Variants in MINAR1 observed in about 807,000 individuals in gnomAD.
MINAR1 encodes the protein major intrinsically disordered Notch2-binding receptor 1.
Under a neutral mutation model 65.1 loss-of-function variants are expected in MINAR1, and 40 were observed. That is an observed-to-expected ratio of 0.61 (90% CI 0.48 to 0.80). MINAR1 has a LOEUF of 0.80. MINAR1 is among the 30% of genes least tolerant of loss of function. MINAR1 has a pLI of 0.00. For missense variants in MINAR1, 1,128 were observed against 1,148.0 expected, an observed-to-expected ratio of 0.98 and a Z score of 0.25; for synonymous variants, 482 against 449.1, an observed-to-expected ratio of 1.07 and a Z score of -0.93.
intron 1 of MINAR1, among the ~76,000 whole-genome samples, chr15:79,455,227 G>A (rs1049430828): frequency 2.6e-5 from 4 of 152,052 alleles, no homozygotes; most frequent in Non-Finnish European, 5.9e-5. Flanking sequence ...TTTACAATCC[G>A]AACTTACCAC....
chr15:79,457,979 A>T lies in MINAR1; in HGVS notation c.1832A>T (p.Glu611Val). 2 of 1,614,144 alleles carry T rather than the reference A, an allele frequency of 1.2e-6. No homozygotes were observed. Among genetic ancestry groups the T allele is most frequent in the Non-Finnish European group, 1.7e-6 (2 of 1,179,996 alleles). The stretch of plus-strand genomic sequence containing the variant: ...ATTGGCGAAATTGAACGGAAGCTGG[A>T]ATCCCTGTCGGGTGTCCGTGATGAA... ...LRIGEIERKL[E>V]SLSGVRDEIS... The change falls in exon 2 of 4, where the codon GAA becomes GTA. Residue 611 changes from glutamate to valine, a missense_variant. By Grantham distance (121) the Glu-to-Val change is moderately radical (BLOSUM62 -2). Transcript: ENST00000305428.
intron 1 of MINAR1, among the ~76,000 whole-genome samples, chr15:79,454,835 G>A (rs914037197): frequency 1.3e-5 from 2 of 152,178 alleles, no homozygotes; most frequent in Non-Finnish European, 2.9e-5. Flanking sequence ...TAGGGTCTTC[G>A]GTTTCTACAC....
At chr15:79,424,609 T>A in the MINAR1 span, 2 of 152,232 alleles carry the variant, frequency 1.3e-5, no homozygotes, top group Non-Finnish European at 2.9e-5. Context: ...TAAAATTGCA[T>A]GAAAGTACAG....
In MINAR1 at chr15:79,468,548, G is replaced by T. The variant is rs555360793; in HGVS notation, c.*164G>T. 5 of 644,020 alleles carry T rather than the reference G, an allele frequency of 7.8e-6. No homozygotes were observed. Among genetic ancestry groups the T allele is most frequent in the Non-Finnish European group, 2.6e-6 (1 of 377,586 alleles). 39.9% of individuals were successfully genotyped at this position (644,020 alleles called of 1,614,324 possible). A position where few individuals can be genotyped will look rare whatever the true frequency, so the allele number is the denominator to read the frequency against. On this transcript the variant is annotated 3_prime_UTR_variant, in exon 4 of 4. Transcript: ENST00000305428. ...TGGTTTTCAGAAAGTATACATTCTA[G>T]TGAGAAATCTACCTACCTATTAGCT...
chr15:79,422,135 C>T, the MINAR1 span: 1 of 152,292 alleles, frequency 6.6e-6, no homozygotes, highest in African/African-American at 2.4e-5. Flanking sequence ...GGTCTGCCAA[C>T]CTCCAGTGAG....
the MINAR1 span, chr15:79,411,483 G>A: frequency 1.4e-6 from 1 of 702,520 alleles, no homozygotes; most frequent in Non-Finnish European, 2.6e-6. Flanking sequence ...CCGAGGGACT[G>A]GGACGACTGG....
At chr15:79,454,914 T>C (rs939947640) in intron 1 of MINAR1, among the ~76,000 whole-genome samples, 4 of 127,414 alleles carry the variant, frequency 3.1e-5, no homozygotes, top group Admixed American at 2.3e-4. Flanking sequence ...TGTACGTACA[T>C]TTTACATTAA....
At chr15:79,468,120 T>G (rs1895940170) in intron 3 of MINAR1, 67 bp from the exon 4 acceptor site, 1 of 1,309,934 alleles carries the variant, frequency 7.6e-7, no homozygotes, top group Non-Finnish European at 1.1e-6. Flanking sequence ...GAGTGATGAC[T>G]GTCGGGACGT....
intron 1 of MINAR1, among the ~76,000 whole-genome samples, chr15:79,441,906 G>C (rs1358843630): frequency 6.6e-6 from 1 of 152,016 alleles, no homozygotes; most frequent in Non-Finnish European, 1.5e-5. Context: ...CTTTATTTAT[G>C]ATGTTGCACA....
In MINAR1 at chr15:79,457,356, C is replaced by A. The variant is rs577612145; in HGVS notation, c.1209C>A (p.Pro403=). The part of the protein sequence containing the change: ...LHYPNASSQT[P]NFPAPERRPT... ...ATCCAAATGCCAGTAGCCAGACCCC[C>A]AATTTCCCAGCCCCAGAAAGGCGCC... The change falls in exon 2 of 4, where the codon CCC becomes CCA. Residue 403 remains proline (P), a synonymous_variant. Transcript: ENST00000305428. The A allele has an allele frequency of 6.2e-7, 1 of 1,614,216 alleles. No individual in the cohort carries two copies. The highest frequency in any genetic ancestry group is 1.7e-5 in the Admixed American group (1 of 60,022).
intron 1 of MINAR1, among the ~76,000 whole-genome samples, chr15:79,439,777 A>G (rs1045378789): frequency 1.3e-5 from 2 of 151,886 alleles, no homozygotes; most frequent in Admixed American, 6.6e-5. Context: ...CCCTAGAGCT[A>G]TTGGGTGAAA....
chr15:79,411,606 C>G, the MINAR1 span: 2 of 661,120 alleles, frequency 3.0e-6, no homozygotes, highest in South Asian at 3.2e-5. Flanking sequence ...TGCACTGGGA[C>G]TAGCTCCTGG....
the MINAR1 span, chr15:79,413,768 G>C: frequency 6.6e-6 from 1 of 152,154 alleles, no homozygotes; most frequent in Non-Finnish European, 1.5e-5. Flanking sequence ...CACTATCTAG[G>C]GGTAAGGATG....
At position 79,463,110 on chromosome 15, in the gene MINAR1, A is replaced by G. The variant is rs1567061342; in HGVS notation, c.2342A>G (p.Lys781Arg). The G allele has an allele frequency of 6.2e-7, 1 of 1,614,152 alleles. No homozygotes were observed. Among genetic ancestry groups the G allele is most frequent in the East Asian group, 2.2e-5 (1 of 44,874 alleles). Residue 781 changes from lysine (K) to arginine (R), a missense_variant, in exon 3 of 4, where the codon AAG becomes AGG. Physicochemically the swap from Lys to Arg is conservative, Grantham distance 26. Transcript: ENST00000305428. ...ATTCCCCCACAGCACCGACTGCCCA[A>G]GCAGCCCAAAGATGGCTTCCTGGTG... ...YDIPPQHRLP[K>R]QPKDGFLVEQ...
chr15:79,428,264 C>CCTT (rs1361469847), upstream of MINAR1, among the ~76,000 whole-genome samples: 1,723 of 120,674 alleles, frequency 0.014, 73 homozygotes, highest in African/African-American at 0.052. Flanking sequence ...TTCCCTCCTT[C>CCTT]CTTTCTTCTC....
In MINAR1 at chr15:79,458,307, G is replaced by C. The variant is rs1404948903; in HGVS notation, c.2160G>C (p.Glu720Asp). ...TAACAGAGGAGAACAGTGCCACAGA[G>C]TCCAAAATTGCCAGCATCTCCAACT... is the stretch of plus-strand genomic sequence containing the variant. ...RSLTEENSAT[E>D]SKIASISNSP... The change falls in exon 2 of 4, where the codon GAG becomes GAC. Residue 720 changes from glutamate to aspartate, a missense_variant. Coordinates refer to ENST00000305428, the MANE Select transcript of MINAR1 (RefSeq NM_015206.3). The C allele has an allele frequency of 2.5e-6, 4 of 1,614,032 alleles. No homozygotes were observed. The highest frequency in any genetic ancestry group is 1.1e-5 in the South Asian group (1 of 91,076).
At chr15:79,450,224 G>A (rs915105671) in intron 1 of MINAR1, among the ~76,000 whole-genome samples, 1 of 152,178 alleles carries the variant, frequency 6.6e-6, no homozygotes, top group East Asian at 1.9e-4. Context: ...GGTTAGGCTG[G>A]AGTTCACTGT....
intron 1 of MINAR1, among the ~76,000 whole-genome samples, chr15:79,436,475 A>G (rs1011166710): frequency 6.6e-6 from 1 of 152,240 alleles, no homozygotes. Context: ...TGCTGATTTC[A>G]TAGTTTAGAG....
chr15:79,423,500 T>TGCCTAGATGCC, the MINAR1 span: 1 of 152,204 alleles, frequency 6.6e-6, no homozygotes, highest in African/African-American at 2.4e-5. Flanking sequence ...TATTTAACAA[T>TGCCTAGATGCC]AACCGACACT....
Sources: allele counts gnomAD v4.1 joint callset (sites outside exome capture counted in the v4.1 genomes callset), GRCh38; gene constraint gnomAD v4.1.1; transcripts MANE v1.5; gene names NCBI Gene and HGNC (gene_info 2026-07-23, HGNC 2026-07-21).